Variants in PPP4R1 observed in about 807,000 individuals in gnomAD.
PPP4R1 encodes serine/threonine-protein phosphatase 4 regulatory subunit 1.
A neutral mutation model predicts 111.2 loss-of-function variants in PPP4R1; 42 were observed. The ratio of observed to expected loss-of-function variants is 0.38; its 90% CI spans 0.29 to 0.49. The LOEUF (loss-of-function observed/expected upper bound fraction) is 0.49, where lower values mean the gene tolerates loss of function less well. Ranked by LOEUF, PPP4R1 falls within the 20% of genes least tolerant of loss-of-function variation. PPP4R1 has a pLI of 0.97. For missense variants in PPP4R1, 1,012 were observed against 1,161.6 expected, an observed-to-expected ratio of 0.87 and a Z score of 1.87; for synonymous variants, 409 against 405.5, an observed-to-expected ratio of 1.01 and a Z score of -0.10.
chr18:9,593,379 T>G (rs1323020442), intron 4 of PPP4R1, among the ~76,000 whole-genome samples: 1 of 152,112 alleles, frequency 6.6e-6, no homozygotes, highest in African/African-American at 2.4e-5. Context: ...TTAATCAACA[T>G]TTTTTTGCAA....
chr18:9,592,798 G>A (rs1316970541), intron 4 of PPP4R1, among the ~76,000 whole-genome samples: 2 of 151,870 alleles, frequency 1.3e-5, no homozygotes, highest in African/African-American at 4.8e-5. Flanking sequence ...ATGAATTTAT[G>A]TTAAATTGTT....
intron 10 of PPP4R1, among the ~76,000 whole-genome samples, chr18:9,573,246 T>A (rs573829569): frequency 2.0e-5 from 3 of 152,216 alleles, no homozygotes; most frequent in African/African-American, 7.2e-5. Context: ...AACAGTATTG[T>A]ATCAATGTTA....
intron 4 of PPP4R1, among the ~76,000 whole-genome samples, chr18:9,593,059 A>T (rs1434641590): frequency 6.6e-6 from 1 of 152,168 alleles, no homozygotes; most frequent in Non-Finnish European, 1.5e-5. Flanking sequence ...AAAATTAAAA[A>T]ATAGGGCTTG....
Position 9,550,080 on chromosome 18 carries a change from C to G in PPP4R1, c.2519G>C (p.Gly840Ala), listed in dbSNP as rs775575889. The change falls in exon 18 of 20, where the codon GGT (glycine) becomes GCT (alanine). Residue 840 changes from glycine (G) to alanine (A), a missense_variant. This residue lies in a region of PPP4R1 where 305 missense variants were observed against 419.5 expected (regional missense o/e 0.73). Coordinates refer to ENST00000400556, the MANE Select transcript of PPP4R1 (RefSeq NM_001042388.3). ...GCAGACAAAGACAAAGGCTTGCCGA[C>G]CAGACCACTTGGGACATCTGCCAAA... ...ENFGRCPKWS[G>A]RQAFVFVCQT... 3 of 1,614,092 alleles carry G rather than the reference C, an allele frequency of 1.9e-6. No individual in the cohort carries two copies. Among genetic ancestry groups the G allele is most frequent in the Non-Finnish European group, 2.5e-6 (3 of 1,180,044 alleles).
In PPP4R1 at chr18:9,550,274, A is replaced by T. The variant is rs756525646; in HGVS notation, c.2412+4T>A. ...ATCTAAAATTTTAAAAGTTCAATAC[A>T]TACCAACTTGTAGGAAATCCAACGA... On this transcript the variant is annotated splice_donor_region_variant and intron_variant, in intron 17 of 19. Coordinates refer to ENST00000400556, the MANE Select transcript of PPP4R1 (RefSeq NM_001042388.3). 1 of 1,613,996 alleles carries T rather than the reference A, an allele frequency of 6.2e-7. No homozygotes were observed. The highest frequency in any genetic ancestry group is 8.5e-7 in the Non-Finnish European group (1 of 1,179,982).
At chr18:9,563,000 T>C (rs750301107) in intron 12 of PPP4R1, 116 of 1,014,060 alleles carry the variant, frequency 1.1e-4, no homozygotes, top group Non-Finnish European at 1.2e-4. Context: ...CTCAGAATAC[T>C]GTGTTGCTTG....
At chr18:9,609,943 T>C (rs1183907727) in intron 2 of PPP4R1, among the ~76,000 whole-genome samples, 1 of 152,248 alleles carries the variant, frequency 6.6e-6, no homozygotes, top group Non-Finnish European at 1.5e-5. Flanking sequence ...ACTTACTTAT[T>C]AGTATTAGAA....
chr18:9,558,465 A>G (rs1029313972), intron 14 of PPP4R1, among the ~76,000 whole-genome samples: 7 of 152,200 alleles, frequency 4.6e-5, no homozygotes, highest in African/African-American at 1.4e-4. Context: ...CAGCACTTAA[A>G]AAGTATATGA....
intron 12 of PPP4R1, 42 bp from the exon 13 acceptor site, chr18:9,562,117 T>A (rs369798259): frequency 5.6e-6 from 8 of 1,423,748 alleles, no homozygotes; most frequent in Non-Finnish European, 7.9e-6. Context: ...GTCCTGTCTG[T>A]ACATCTTCAT....
At chr18:9,606,275 G>GT (rs2145335801) in intron 2 of PPP4R1, among the ~76,000 whole-genome samples, 1 of 152,290 alleles carries the variant, frequency 6.6e-6, no homozygotes, top group Non-Finnish European at 1.5e-5. Flanking sequence ...GCCAACTACA[G>GT]CCAGCGAGCC....
Position 9,549,214 on chromosome 18 carries a change from T to C in PPP4R1, c.2672A>G (p.Gln891Arg). 6.2e-7 allele frequency: 1 copy of C among 1,613,408 alleles called. No individual in the cohort carries two copies. Among genetic ancestry groups the C allele is most frequent in the Non-Finnish European group, 8.5e-7 (1 of 1,179,338 alleles). ...VRVLLAKTLR[Q>R]TLLEKDYFLA... is the part of the protein sequence containing the mutation. The stretch of plus-strand genomic sequence containing the variant: ...CTACCTACCTTTTTCTAGTAGAGTT[T>C]GTCTTAATGTCTTTGCAAGCAGCAC... The change falls in exon 19 of 20, where the codon CAA (glutamine) becomes CGA (arginine). Residue 891 changes from glutamine to arginine, a missense_variant. This residue lies in a region of PPP4R1 where 305 missense variants were observed against 419.5 expected (regional missense o/e 0.73). Coordinates refer to ENST00000400556, the MANE Select transcript of PPP4R1 (RefSeq NM_001042388.3).
rs368991458 is a variant in PPP4R1 at position 9,614,300 on chromosome 18, G to A, written c.8-30C>T. ...GCCGAGGGGAGAGAAGAAAGGCCCGGTCAGCGCCCCGGGGCCCGGCGCGAC... is the reference window on the plus strand; with the variant it reads ...GCCGAGGGGAGAGAAGAAAGGCCCGATCAGCGCCCCGGGGCCCGGCGCGAC... On this transcript the variant is annotated intron_variant, in intron 1 of 19. Transcript: ENST00000400556. The surrounding 1 kb of genome is among the most constrained non-coding windows in gnomAD (Gnocchi z 4.1). The A allele has an allele frequency of 8.6e-3, 10,764 of 1,249,010 alleles. 64 individuals carry two copies. Among genetic ancestry groups the A allele is most frequent in the Non-Finnish European group, 0.01 (10,004 of 984,654 alleles). 77.4% of individuals were successfully genotyped at this position (1,249,010 alleles called of 1,614,324 possible).
chr18:9,586,581 T>TA (rs1178864823), intron 6 of PPP4R1, among the ~76,000 whole-genome samples: 1 of 119,192 alleles, frequency 8.4e-6, no homozygotes, highest in Non-Finnish European at 2.1e-5. Flanking sequence ...GGTAACTGAG[T>TA]ATCTAAAAAT....
chr18:9,558,367 C>G lies in PPP4R1; in HGVS notation c.2029-985G>C, dbSNP rs1043769475. On this transcript the variant is annotated intron_variant, in intron 14 of 19. Coordinates refer to ENST00000400556, the MANE Select transcript of PPP4R1 (RefSeq NM_001042388.3). ...AAAGATACATCCCACGGGAACCCTA[C>G]AGTTCTGTAGAATAAAGACTGAAAA... Among the ~76,000 whole-genome samples, 3 of 152,192 alleles carry G rather than the reference C, an allele frequency of 2.0e-5. No homozygotes were observed. In the South Asian group the frequency reaches 6.2e-4, roughly 31 times the overall value.
Position 9,605,416 on chromosome 18 carries a change from T to C in PPP4R1, c.52+8810A>G, listed in dbSNP as rs2067461535. On this transcript the variant is annotated intron_variant, in intron 2 of 19. Coordinates refer to ENST00000400556, the MANE Select transcript of PPP4R1 (RefSeq NM_001042388.3). ...ATTTCCCCATTGTCAAACTATTTCC[T>C]TACTAATTACAATAGGAAAAACAGA... Among the ~76,000 whole-genome samples the C allele has an allele frequency of 2.0e-5, 3 of 151,828 alleles. No individual in the cohort carries two copies. In the South Asian group the frequency reaches 6.2e-4, roughly 31 times the overall value.
chr18:9,588,239 G>A lies in PPP4R1; in HGVS notation c.439-4C>T, dbSNP rs755898877. The A allele has an allele frequency of 1.6e-5, 25 of 1,611,270 alleles. No individual in the cohort carries two copies. In the South Asian group the frequency reaches 2.3e-4, roughly 15 times the overall value. On this transcript the variant is annotated splice_region_variant and splice_polypyrimidine_tract_variant and intron_variant, in intron 5 of 19. Coordinates refer to ENST00000400556, the MANE Select transcript of PPP4R1 (RefSeq NM_001042388.3). ...CTGCCTGACTTGTTTTCCTCACCTA[G>A]GAGAAAAATAACAACACAAAGAAAG...
At chr18:9,598,119 AAAT>A (rs1343297272) in intron 2 of PPP4R1, among the ~76,000 whole-genome samples, 11 of 152,192 alleles carry the variant, frequency 7.2e-5, no homozygotes, top group Non-Finnish European at 1.6e-4. Flanking sequence ...AGGGTAAGAA[AAAT>A]ATCCTAAATG....
chr18:9,599,964 G>C (rs1179104595), intron 2 of PPP4R1, among the ~76,000 whole-genome samples: 2 of 152,132 alleles, frequency 1.3e-5, no homozygotes, highest in African/African-American at 2.4e-5. Context: ...TACTGATTAT[G>C]TTAGTCTGGA....
intron 15 of PPP4R1, among the ~76,000 whole-genome samples, chr18:9,556,233 C>G (rs748916740): frequency 6.6e-6 from 1 of 150,794 alleles, no homozygotes; most frequent in Admixed American, 6.6e-5. Context: ...TTGCTCTGTC[C>G]CCCAGCTGGA....
Sources: gnomAD v4.1 joint callset for allele counts (sites outside exome capture counted in the v4.1 genomes callset) on GRCh38, gnomAD v4.1.1 for gene constraint, gnomAD v4.1.1 regional missense constraint, Gnocchi (gnomAD v3.1) non-coding constraint, MANE v1.5 for transcripts, NCBI Gene and HGNC (gene_info 2026-07-23, HGNC 2026-07-21) for gene names.